Variants in CUX1 observed in about 807,000 individuals in gnomAD.
The protein encoded by CUX1 is protein CASP.
CUX1 carries 31 observed loss-of-function variants against 158.8 expected under a neutral mutation model. The observed-to-expected ratio is 0.20, with a 90% CI of 0.15 to 0.26. The LOEUF (loss-of-function observed/expected upper bound fraction) is 0.26, where lower values mean the gene tolerates loss of function less well. CUX1 is among the 10% of genes least tolerant of loss of function. The probability of loss-of-function intolerance (pLI) is 1.00; values close to 1 mark genes in which losing one functional copy is unlikely to be tolerated. For synonymous variants in CUX1, 879 were observed against 862.1 expected, an observed-to-expected ratio of 1.02 and a Z score of -0.34; for missense variants, 1,589 against 2,014.6, an observed-to-expected ratio of 0.79 and a Z score of 4.04.
chr7:102,249,080 G>T lies in CUX1; in HGVS notation c.*38G>T, dbSNP rs782440827. 15 of 1,248,156 alleles carry T rather than the reference G, an allele frequency of 1.2e-5. No individual in the cohort carries two copies. The highest frequency in any genetic ancestry group is 5.1e-5 in the South Asian group (2 of 39,050). The allele number at this position is 1,248,156 out of a possible 1,614,324, so 77.3% of individuals were successfully genotyped here. On this transcript the variant is annotated 3_prime_UTR_variant, in exon 24 of 24. Transcript: ENST00000292535. Reference sequence around the variant, plus strand: ...CTGGGGCGGGCAGCCAGGCTGGGCCGCAAGGGCCTGGACGGGGTCGGACGG... The same window carrying T: ...CTGGGGCGGGCAGCCAGGCTGGGCCTCAAGGGCCTGGACGGGGTCGGACGG...
In CUX1 at chr7:102,248,673, G is replaced by C; in HGVS notation, c.4149G>C (p.Pro1383=). ...CGCCGCCCTCGGGGACCCCGGGCCC[G>C]GACGACGCCCGCGACGACGACCACG... is the stretch of plus-strand genomic sequence containing the variant. ...TEPPPSGTPG[P]DDARDDDHEG... Residue 1383 remains proline (P), a synonymous_variant, in exon 24 of 24, where the codon CCG becomes CCC. Transcript: ENST00000292535. This position sits in a 1 kb window ranked among gnomAD's most constrained non-coding sequence, Gnocchi z 5.8. The C allele has an allele frequency of 7.6e-7, 1 of 1,314,468 alleles. No individual in the cohort carries two copies. Among genetic ancestry groups the C allele is most frequent in the Non-Finnish European group, 9.7e-7 (1 of 1,031,818 alleles). 81.4% of individuals were successfully genotyped at this position (1,314,468 alleles called of 1,614,324 possible). A position where few individuals can be genotyped will look rare whatever the true frequency, so the allele number is the denominator to read the frequency against.
rs561126862 is a variant in CUX1 at position 102,128,504 on chromosome 7, C to T, written c.674+13231C>T. 2.0e-5 allele frequency among the ~76,000 whole-genome samples: 3 copies of T among 149,370 alleles called. No homozygotes were observed. In the Admixed American group the frequency reaches 2.0e-4, roughly 10 times the overall value. ...CTGGATCTCGGATGCTGTCCCCCAG[C>T]AGGGCCTGTTTGTGGAGTGGCCTTC... is the stretch of plus-strand genomic sequence containing the variant. On this transcript the variant is annotated intron_variant, in intron 8 of 23. Transcript: ENST00000292535.
intron 18 of CUX1, among the ~76,000 whole-genome samples, 181 bp downstream of exon 18, chr7:102,202,385 T>G (rs1436210078): frequency 3.9e-5 from 6 of 152,138 alleles, no homozygotes; most frequent in African/African-American, 1.4e-4. Flanking sequence ...CCGATCCCAT[T>G]TGCCGAGCCC....
chr7:102,146,197 C>T (rs374262265), intron 8 of CUX1, among the ~76,000 whole-genome samples: 78 of 152,270 alleles, frequency 5.1e-4, no homozygotes, highest in African/African-American at 1.7e-3. Flanking sequence ...AGGCACTGTG[C>T]GGTCTCAGGA....
At position 102,111,680 on chromosome 7, in the gene CUX1, C is replaced by T. The variant is rs781870542; in HGVS notation, c.531-18C>T. The T allele has an allele frequency of 8.7e-6, 14 of 1,613,446 alleles. No homozygotes were observed. The South Asian group carries it at 8.8e-5, about 10-fold the overall frequency. On this transcript the variant is annotated intron_variant, in intron 6 of 23. Transcript: ENST00000292535. ...GTAAAGGAGATGACCAATTTGGCTTCGTCCTCTTCCTTTGCAGAAAGCTGC... is the reference window on the plus strand; with the variant it reads ...GTAAAGGAGATGACCAATTTGGCTTTGTCCTCTTCCTTTGCAGAAAGCTGC...
intron 4 of CUX1, among the ~76,000 whole-genome samples, chr7:102,090,113 A>G (rs1554481753): frequency 6.6e-6 from 1 of 152,202 alleles, no homozygotes; most frequent in African/African-American, 2.4e-5. Flanking sequence ...TTTGGTTTTC[A>G]TGGAAATGGC....
In CUX1 at chr7:102,229,889, T is replaced by C. The variant is rs1351808028; in HGVS notation, c.3433+2220T>C. ...CACCCACCTTGGCCTCCAAAAATGC[T>C]GGGATTACAGGCATGAGCCACCACA... On this transcript the variant is annotated intron_variant, in intron 21 of 23. Transcript: ENST00000292535. 2.6e-5 allele frequency among the ~76,000 whole-genome samples: 4 copies of C among 151,596 alleles called. No individual in the cohort carries two copies. The East Asian group carries it at 7.8e-4, about 30-fold the overall frequency.
chr7:101,950,671 CAG>C (rs1301331455), intron 2 of CUX1, among the ~76,000 whole-genome samples: 2 of 152,206 alleles, frequency 1.3e-5, no homozygotes, highest in East Asian at 3.8e-4. Flanking sequence ...GTAGTTGCAA[CAG>C]AGACCATATG....
At chr7:102,026,276 C>G (rs1403558492) in intron 2 of CUX1, among the ~76,000 whole-genome samples, 1 of 152,118 alleles carries the variant, frequency 6.6e-6, no homozygotes, top group Admixed American at 6.6e-5. Context: ...TAGCCACCAG[C>G]AACGGGTGGC....
At chr7:101,966,962 A>G (rs990664083) in intron 2 of CUX1, among the ~76,000 whole-genome samples, 2 of 152,110 alleles carry the variant, frequency 1.3e-5, no homozygotes, top group Non-Finnish European at 2.9e-5. Flanking sequence ...TCCCAGCCCC[A>G]TAACTTGGTT....
chr7:101,960,091 T>G (rs926328418), intron 2 of CUX1: 4 of 152,164 alleles, frequency 2.6e-5, no homozygotes, highest in Non-Finnish European at 5.9e-5. Context: ...TTCGGTGCTT[T>G]TTTCATCCTC....
chr7:102,276,865 G>C (rs1292435722), intron 17 of CUX1, among the ~76,000 whole-genome samples: 2 of 152,128 alleles, frequency 1.3e-5, no homozygotes, highest in African/African-American at 4.8e-5. Flanking sequence ...AAATGTTCTG[G>C]AATTAGGTAG....
chr7:102,031,647 T>G (rs1475036258), intron 3 of CUX1, among the ~76,000 whole-genome samples: 1 of 152,156 alleles, frequency 6.6e-6, no homozygotes, highest in African/African-American at 2.4e-5. Flanking sequence ...CTCCGCTAAT[T>G]TATAAATAAA....
chr7:101,821,837 G>A (rs1171176811), intron 1 of CUX1, among the ~76,000 whole-genome samples: 1 of 142,200 alleles, frequency 7.0e-6, no homozygotes, highest in African/African-American at 2.6e-5. Context: ...ACCATGCCTG[G>A]CTAGTTTTTT....
chr7:102,114,779 G>A (rs1022680473), intron 7 of CUX1, among the ~76,000 whole-genome samples: 2 of 152,298 alleles, frequency 1.3e-5, no homozygotes, highest in South Asian at 4.1e-4. Flanking sequence ...TACTTGGGAG[G>A]CTGAGGCAAG....
At chr7:101,999,572 C>T (rs990795659) in intron 2 of CUX1, among the ~76,000 whole-genome samples, 5 of 152,160 alleles carry the variant, frequency 3.3e-5, no homozygotes, top group Middle Eastern at 3.2e-3. Context: ...AAGCACCCCA[C>T]GATTAGAGTG....
chr7:101,825,313 A>G (rs1334666096), intron 1 of CUX1, among the ~76,000 whole-genome samples: 1 of 152,168 alleles, frequency 6.6e-6, no homozygotes, highest in South Asian at 2.1e-4. Flanking sequence ...GAATTGCTTT[A>G]TTTCAGCCGT....
chr7:101,959,861 A>G (rs1053545484), intron 2 of CUX1, among the ~76,000 whole-genome samples: 2 of 152,088 alleles, frequency 1.3e-5, no homozygotes, highest in African/African-American at 4.8e-5. Flanking sequence ...TTTTAAACAT[A>G]GTTACATGTT....
chr7:102,209,023 C>T (rs1413342277), intron 20 of CUX1, among the ~76,000 whole-genome samples: 1 of 152,166 alleles, frequency 6.6e-6, no homozygotes, highest in Non-Finnish European at 1.5e-5. Context: ...CAGCGGAGTC[C>T]GTGGGGGCGG....
Sources: allele counts gnomAD v4.1 joint callset (sites outside exome capture counted in the v4.1 genomes callset), GRCh38; gene constraint gnomAD v4.1.1; non-coding constraint Gnocchi (gnomAD v3.1); transcripts MANE v1.5; gene names NCBI Gene and HGNC (gene_info 2026-07-23, HGNC 2026-07-21).